MCFD2: variants seen among roughly 807,000 people sequenced by gnomAD.
MCFD2 encodes multiple coagulation factor deficiency protein 2.
A neutral mutation model predicts 12.8 loss-of-function variants in MCFD2; 11 were observed. That is an observed-to-expected ratio of 0.86 (90% confidence interval 0.54 to 1.42). The LOEUF is 1.42. MCFD2 is among the 40% of genes most tolerant of loss of function. MCFD2 has a pLI of 0.00. For synonymous variants in MCFD2, 70 were observed against 68.1 expected (o/e 1.03, Z -0.14); for missense variants, 191 against 178.6 (o/e 1.07, Z -0.40).
chr2:46,915,979 A>C (rs975262910), upstream of MCFD2: 1 of 985,120 alleles, frequency 1.0e-6, no homozygotes. Flanking sequence ...CAGTTCTTCT[A>C]CCTGCTTTCC....
chr2:46,936,436 C>T lies in MCFD2; in HGVS notation c.-8+5136G>A, dbSNP rs554086606. Among the ~76,000 whole-genome samples, 4 of 152,230 alleles carry T rather than the reference C, an allele frequency of 2.6e-5. No individual in the cohort carries two copies. The South Asian group carries it at 6.2e-4, about 24-fold the overall frequency. ...TTATTTTGTCTTTAAGAGTTTGGTTCAGGACAATCTCTCCGGACCCTCTGT... is the reference window on the plus strand; with the variant it reads ...TTATTTTGTCTTTAAGAGTTTGGTTTAGGACAATCTCTCCGGACCCTCTGT... On this transcript the variant is annotated intron_variant, in intron 1 of 2. Transcript: ENST00000409147.
intron 1 of MCFD2, among the ~76,000 whole-genome samples, chr2:46,921,522 T>C (rs1036144529): frequency 1.3e-5 from 2 of 152,236 alleles, no homozygotes; most frequent in Non-Finnish European, 2.9e-5. Context: ...CCTGCAATAG[T>C]GTCTACTCTT....
chr2:46,910,047 C>G (rs181267381), intron 1 of MCFD2, among the ~76,000 whole-genome samples: 1 of 152,250 alleles, frequency 6.6e-6, no homozygotes, highest in Admixed American at 6.5e-5. Flanking sequence ...TTCTGTACCT[C>G]CTGGGTGGTA....
intron 1 of MCFD2, among the ~76,000 whole-genome samples, chr2:46,922,298 G>A (rs1374363619): frequency 6.6e-6 from 1 of 152,150 alleles, no homozygotes. Flanking sequence ...ATTTCCTTGA[G>A]CGTTTTTATA....
intron 3 of MCFD2, chr2:46,905,817 T>C (rs1449124148): frequency 3.2e-6 from 2 of 626,110 alleles, no homozygotes; most frequent in Non-Finnish European, 6.0e-6. Flanking sequence ...AGAGAGAATA[T>C]GTATTATTGA....
chr2:46,906,058 G>A, intron 3 of MCFD2: 4 of 469,352 alleles, frequency 8.5e-6, no homozygotes. Context: ...CTGCCGATGA[G>A]CAGAACCTGT....
At chr2:46,931,718 A>ATAAATAAG (rs1669718513) in intron 1 of MCFD2, among the ~76,000 whole-genome samples, 1 of 151,926 alleles carries the variant, frequency 6.6e-6, no homozygotes, top group African/African-American at 2.4e-5. Context: ...AAATAAATAA[A>ATAAATAAG]TAAATAAAAT....
In MCFD2 at chr2:46,940,507, TA is replaced by T. The variant is rs1321494366; in HGVS notation, c.-8+1064del. ...TTCTGGGCACCCCACAGCCCTGGGCTAAACCCTGCTAAGCACTCCATAGAGC... is the reference window on the plus strand; with the variant it reads ...TTCTGGGCACCCCACAGCCCTGGGCTAACCCTGCTAAGCACTCCATAGAGC... On this transcript the variant is annotated intron_variant, in intron 1 of 2. Transcript: ENST00000409147. The surrounding 1 kb of genome is among the most constrained non-coding windows in gnomAD (Gnocchi z 4.7). 6.6e-6 allele frequency among the ~76,000 whole-genome samples: 1 copy of T among 152,190 alleles called. No individual in the cohort carries two copies. The highest frequency in any genetic ancestry group is 2.4e-5 in the African/African-American group (1 of 41,454).
At chr2:46,930,005 G>A (rs937252693) in intron 1 of MCFD2, among the ~76,000 whole-genome samples, 8 of 152,206 alleles carry the variant, frequency 5.3e-5, no homozygotes, top group African/African-American at 1.9e-4. Context: ...AGCCAAGCTG[G>A]GTGGAATAGG....
intron 1 of MCFD2, among the ~76,000 whole-genome samples, chr2:46,932,995 G>A (rs1669792186): frequency 6.6e-6 from 1 of 152,092 alleles, no homozygotes; most frequent in African/African-American, 2.4e-5. Context: ...GCTAGCCTTA[G>A]GAGTGATGGG....
chr2:46,928,459 TAA>T (rs35897582), intron 1 of MCFD2, among the ~76,000 whole-genome samples: 1,321 of 81,956 alleles, frequency 0.016, 28 homozygotes, highest in African/African-American at 0.048. Flanking sequence ...AAAGGGAAAT[TAA>T]AAAAAAAAAA....
At chr2:46,929,163 C>CA (rs1669561983) in intron 1 of MCFD2, among the ~76,000 whole-genome samples, 1 of 150,810 alleles carries the variant, frequency 6.6e-6, no homozygotes, top group Non-Finnish European at 1.5e-5. Flanking sequence ...GACTCTGTCC[C>CA]AAAAAAAGAA....
intron 3 of MCFD2, among the ~76,000 whole-genome samples, chr2:46,906,694 C>T (rs1458695727): frequency 6.6e-6 from 1 of 151,866 alleles, no homozygotes; most frequent in African/African-American, 2.4e-5. Flanking sequence ...CACCATGCTG[C>T]CCAGGTTGGT....
intron 1 of MCFD2, among the ~76,000 whole-genome samples, chr2:46,926,621 C>G (rs1185936033): frequency 1.3e-5 from 2 of 152,166 alleles, no homozygotes; most frequent in African/African-American, 4.8e-5. Flanking sequence ...GTAGAGCCCC[C>G]CCAGGTGCCT....
chr2:46,929,461 G>T (rs1183235722), intron 1 of MCFD2, among the ~76,000 whole-genome samples: 1 of 152,118 alleles, frequency 6.6e-6, no homozygotes, highest in Non-Finnish European at 1.5e-5. Context: ...TCCAGCCTGG[G>T]CAACAGAGCA....
At chr2:46,935,711 C>T (rs1424892682) in intron 1 of MCFD2, among the ~76,000 whole-genome samples, 1 of 152,204 alleles carries the variant, frequency 6.6e-6, no homozygotes, top group Non-Finnish European at 1.5e-5. Context: ...TCCTCTGAGG[C>T]TCTTAAGCTT....
At chr2:46,928,245 A>C (rs551426258) in intron 1 of MCFD2, among the ~76,000 whole-genome samples, 44 of 152,012 alleles carry the variant, frequency 2.9e-4, no homozygotes, top group African/African-American at 9.9e-4. Flanking sequence ...TTGCAGCTTA[A>C]AATAACACCC....
rs540238605 is a variant in MCFD2 at position 46,910,403 on chromosome 2, T to C, written c.-6-1226A>G. On this transcript the variant is annotated intron_variant, in intron 1 of 3. Coordinates refer to ENST00000319466, the MANE Select transcript of MCFD2 (RefSeq NM_139279.6). ...CTCACTTCCCAACAGGCAAAACAGA[T>C]TCTGCTAGATAACAAGGCCAGGGAT... Among the ~76,000 whole-genome samples, 7 of 152,220 alleles carry C rather than the reference T, an allele frequency of 4.6e-5. No homozygotes were observed. The South Asian group carries it at 1.5e-3, about 32-fold the overall frequency.
At chr2:46,938,622 C>G (rs1208402869) in intron 1 of MCFD2, among the ~76,000 whole-genome samples, 1 of 152,144 alleles carries the variant, frequency 6.6e-6, no homozygotes, top group African/African-American at 2.4e-5. Context: ...ATTGATTTAT[C>G]AGTACTTTGG....
Sources: allele counts gnomAD v4.1 joint callset (sites outside exome capture counted in the v4.1 genomes callset), GRCh38; gene constraint gnomAD v4.1.1; non-coding constraint Gnocchi (gnomAD v3.1); transcripts MANE v1.5; gene names NCBI Gene and HGNC (gene_info 2026-07-23, HGNC 2026-07-21).